EHBP1: variants seen among roughly 807,000 people sequenced by gnomAD.
EHBP1 encodes EH domain binding protein 1, also known as EH domain-binding protein 1.
EHBP1 carries 55 observed loss-of-function variants against 144.0 expected under a neutral mutation model. That is an observed-to-expected ratio of 0.38 (90% CI 0.31 to 0.48). The LOEUF (loss-of-function observed/expected upper bound fraction) is 0.48. EHBP1 is among the 20% of genes least tolerant of loss of function. The pLI is 0.98. For missense variants in EHBP1, 1,200 were observed against 1,364.2 expected (o/e 0.88, Z 1.90); for synonymous variants, 469 against 472.7 (o/e 0.99, Z 0.10).
chr2:62,988,866 A>G (rs774105719), intron 15 of EHBP1, among the ~76,000 whole-genome samples: 4 of 152,136 alleles, frequency 2.6e-5, no homozygotes, highest in Non-Finnish European at 5.9e-5. Context: ...AGTGAGAGCA[A>G]GCATACTTTT....
rs983138518 is a variant in EHBP1 at position 62,853,165 on chromosome 2, T to C, written c.635-6004T>C. Among the ~76,000 whole-genome samples the C allele has an allele frequency of 2.6e-5, 4 of 152,162 alleles. No individual in the cohort carries two copies. In the South Asian group the frequency reaches 6.2e-4, roughly 24 times the overall value. ...TTCATACCTGCATTCCTTGGAGATA[T>C]TGTGAGTTTGGTTCCAGACCACCAC... On this transcript the variant is annotated intron_variant, in intron 7 of 22. Transcript: ENST00000431489.
intron 10 of EHBP1, among the ~76,000 whole-genome samples, chr2:62,883,638 G>T (rs1459300639): frequency 6.6e-6 from 1 of 152,110 alleles, no homozygotes; most frequent in Non-Finnish European, 1.5e-5. Context: ...TGAGCCCAGA[G>T]ATTGAGATCC....
intron 19 of EHBP1, among the ~76,000 whole-genome samples, chr2:63,019,864 G>GAAGGAAGA (rs2060644678): frequency 6.9e-6 from 1 of 145,060 alleles, no homozygotes; most frequent in Non-Finnish European, 1.5e-5. Context: ...AGGAAGGAAG[G>GAAGGAAGA]AAGGAAGGAA....
intron 10 of EHBP1, among the ~76,000 whole-genome samples, chr2:62,925,174 C>T (rs1340035680): frequency 6.6e-6 from 1 of 152,132 alleles, no homozygotes; most frequent in East Asian, 1.9e-4. Context: ...CATGATAAAA[C>T]TCTTAATAAT....
intron 7 of EHBP1, among the ~76,000 whole-genome samples, chr2:62,847,217 G>A (rs943418841): frequency 2.0e-5 from 3 of 152,216 alleles, no homozygotes; most frequent in African/African-American, 7.2e-5. Context: ...TGGGGGAAAA[G>A]GTCTTTTCAA....
At chr2:62,674,546 G>C (rs918673095) in intron 1 of EHBP1, among the ~76,000 whole-genome samples, 53 of 152,226 alleles carry the variant, frequency 3.5e-4, no homozygotes, top group African/African-American at 1.2e-3. Flanking sequence ...TGGGTTGTTT[G>C]GTTAACCCTA....
intron 2 of EHBP1, among the ~76,000 whole-genome samples, chr2:62,724,574 T>C (rs1346235425): frequency 1.3e-5 from 2 of 152,200 alleles, no homozygotes; most frequent in African/African-American, 4.8e-5. Flanking sequence ...AGAGTTCTTT[T>C]GTTGGTCCTT....
intron 2 of EHBP1, among the ~76,000 whole-genome samples, chr2:62,725,792 G>A (rs576216776): frequency 1.4e-4 from 22 of 152,286 alleles, no homozygotes; most frequent in South Asian, 6.2e-4. Flanking sequence ...CCAGCAAAGC[G>A]ATGTGGGGGG....
intron 5 of EHBP1, chr2:62,772,106 CAAGA>C (rs1260548659): frequency 1.5e-5 from 2 of 134,682 alleles, no homozygotes; most frequent in East Asian, 2.3e-4. Context: ...GAAACTCCAT[CAAGA>C]AAGAAAGAGA....
At position 62,983,394 on chromosome 2, in the gene EHBP1, A is replaced by T. The variant is rs1453472605; in HGVS notation, c.2608+4059A>T. ...AAGGTGACTACCTTGTTTTAAGATG[A>T]TATTACATATCATGTCATATAGCAC... On this transcript the variant is annotated intron_variant, in intron 15 of 22. Transcript: ENST00000431489. Among the ~76,000 whole-genome samples, 7 of 152,040 alleles carry T rather than the reference A, an allele frequency of 4.6e-5. No homozygotes were observed. In the East Asian group the frequency reaches 1.3e-3, roughly 29 times the overall value.
chr2:62,966,204 G>A (rs1358503141), intron 14 of EHBP1, among the ~76,000 whole-genome samples: 1 of 152,136 alleles, frequency 6.6e-6, no homozygotes, highest in African/African-American at 2.4e-5. Flanking sequence ...TCCATGCTTA[G>A]ATTAAAAGGA....
chr2:62,964,969 G>T (rs2058174648), intron 14 of EHBP1: 1 of 152,568 alleles, frequency 6.6e-6, no homozygotes, highest in South Asian at 2.1e-4. Flanking sequence ...CAGTATTTTG[G>T]TCAAGGTAAT....
chr2:62,945,781 G>GT (rs1295491395), intron 12 of EHBP1, among the ~76,000 whole-genome samples: 4 of 151,970 alleles, frequency 2.6e-5, no homozygotes, highest in Non-Finnish European at 4.4e-5. Context: ...AAAAATGGTT[G>GT]TTTTTTCACA....
At chr2:62,997,137 C>A (rs2059665667) in intron 19 of EHBP1, among the ~76,000 whole-genome samples, 1 of 152,036 alleles carries the variant, frequency 6.6e-6, no homozygotes, top group Non-Finnish European at 1.5e-5. Context: ...CTGCATGAAA[C>A]AGAGCACTGT....
intron 2 of EHBP1, among the ~76,000 whole-genome samples, chr2:62,729,909 G>A (rs1419523910): frequency 6.6e-6 from 1 of 151,868 alleles, no homozygotes; most frequent in Non-Finnish European, 1.5e-5. Flanking sequence ...ATGGTATCTT[G>A]GGGTAGTTTT....
chr2:62,823,246 T>G (rs577125534), intron 5 of EHBP1, among the ~76,000 whole-genome samples: 2 of 152,272 alleles, frequency 1.3e-5, no homozygotes, highest in African/African-American at 4.8e-5. Context: ...TCGAAAATAC[T>G]GCCAGATGCA....
intron 14 of EHBP1, among the ~76,000 whole-genome samples, chr2:62,971,475 T>C (rs769012411): frequency 6.6e-5 from 10 of 152,196 alleles, no homozygotes; most frequent in Non-Finnish European, 1.3e-4. Context: ...CTGATTTGTA[T>C]AGCCCAAGTA....
intron 10 of EHBP1, among the ~76,000 whole-genome samples, chr2:62,924,348 G>T (rs1320085871): frequency 1.3e-5 from 2 of 152,038 alleles, no homozygotes; most frequent in Non-Finnish European, 2.9e-5. Context: ...CCAAAACATT[G>T]TAAAAGAAAT....
intron 10 of EHBP1, among the ~76,000 whole-genome samples, chr2:62,936,473 C>G (rs2056395086): frequency 1.3e-5 from 2 of 152,006 alleles, no homozygotes; most frequent in South Asian, 4.2e-4. Context: ...TTTGCTTTTA[C>G]CTTTTTATTT....
Sources: allele counts gnomAD v4.1 joint callset (sites outside exome capture counted in the v4.1 genomes callset), GRCh38; gene constraint gnomAD v4.1.1; transcripts MANE v1.5; gene names NCBI Gene and HGNC (gene_info 2026-07-23, HGNC 2026-07-21).